Variants in TRDN observed in about 807,000 individuals in gnomAD.
The protein encoded by TRDN is triadin in skeletal muscle.
TRDN carries 161 observed loss-of-function variants against 149.7 expected under a neutral mutation model. The observed-to-expected ratio is 1.08, with a 90% CI of 0.95 to 1.23. The LOEUF (loss-of-function observed/expected upper bound fraction) is 1.23. Among genes scored for constraint, TRDN ranks in the 50% most tolerant of loss-of-function variants. The pLI is 0.00. For missense variants in TRDN, 896 were observed against 823.5 expected (o/e 1.09, Z -1.08); for synonymous variants, 294 against 250.5 (o/e 1.17, Z -1.64).
At chr6:123,402,487 T>G (rs1004545412) in intron 12 of TRDN, among the ~76,000 whole-genome samples, 4 of 152,220 alleles carry the variant, frequency 2.6e-5, no homozygotes, top group African/African-American at 9.6e-5. Context: ...TTTAATTTGT[T>G]TAAAGGTTTT....
In TRDN at chr6:123,360,335, T is replaced by C. The variant is rs563820106; in HGVS notation, c.1321+5800A>G. On this transcript the variant is annotated intron_variant, in intron 20 of 40. Transcript: ENST00000334268. ...GTACAGAATGAGAAGTTCAGAGGAT[T>C]AATAATGAATTATGAGGAACACCAA... Among the ~76,000 whole-genome samples the C allele has an allele frequency of 1.6e-4, 25 of 152,118 alleles. 1 individual carries two copies. The highest frequency in any genetic ancestry group is 1.3e-3 in the Admixed American group (20 of 15,278).
intron 1 of TRDN, among the ~76,000 whole-genome samples, chr6:123,591,466 G>A (rs1172719407): frequency 7.9e-5 from 12 of 152,120 alleles, no homozygotes; most frequent in African/African-American, 2.9e-4. Flanking sequence ...GGCTGGTCTC[G>A]AACTCCTGAC....
rs537223872 is a variant in TRDN at position 123,278,516 on chromosome 6, G to T, written c.1538-169C>A. On this transcript the variant is annotated intron_variant, in intron 25 of 40. Coordinates refer to ENST00000334268, the MANE Select transcript of TRDN (RefSeq NM_006073.4). ...ATATTAACCATATTCTTATGATTGT[G>T]GCAAACTAGTACGTAACAACAGATT... Among the ~76,000 whole-genome samples the T allele has an allele frequency of 9.2e-5, 14 of 152,202 alleles. No individual in the cohort carries two copies. In the South Asian group the frequency reaches 2.9e-3, roughly 32 times the overall value.
intron 21 of TRDN, among the ~76,000 whole-genome samples, chr6:123,343,062 T>A (rs7769239): frequency 3.3e-5 from 5 of 151,830 alleles, no homozygotes; most frequent in Admixed American, 6.6e-5. Flanking sequence ...CAATTTGTAA[T>A]CTTTGTGTGG....
chr6:123,612,193 G>A (rs1356512038), intron 1 of TRDN, among the ~76,000 whole-genome samples: 5 of 134,410 alleles, frequency 3.7e-5, no homozygotes, highest in Non-Finnish European at 1.5e-5. Flanking sequence ...ACAGGAGTTC[G>A]AGACCAGCCT....
At position 123,503,915 on chromosome 6, in the gene TRDN, A is replaced by T. The variant is rs181140338; in HGVS notation, c.611-14T>A. On this transcript the variant is annotated splice_polypyrimidine_tract_variant and intron_variant, in intron 7 of 40. Transcript: ENST00000334268. ...CTTTCTTCTGTTCTGTATAAAGTTA[A>T]AAGATGTTGAAATACTTTTGTTTAT... is the stretch of plus-strand genomic sequence containing the variant. The T allele has an allele frequency of 6.0e-5, 91 of 1,527,904 alleles. No homozygotes were observed. In the East Asian group the frequency reaches 2.1e-3, roughly 36 times the overall value. 94.6% of individuals were successfully genotyped at this position (1,527,904 alleles called of 1,614,324 possible). A position where few individuals can be genotyped will look rare whatever the true frequency, so the allele number is the denominator to read the frequency against.
intron 38 of TRDN, among the ~76,000 whole-genome samples, chr6:123,240,355 A>G (rs1775945790): frequency 6.6e-6 from 1 of 151,766 alleles, no homozygotes; most frequent in African/African-American, 2.4e-5. Flanking sequence ...AAAAATTATG[A>G]TCTCTCTCCC....
intron 1 of TRDN, among the ~76,000 whole-genome samples, chr6:123,586,606 A>G (rs1257192154): frequency 6.6e-6 from 1 of 152,122 alleles, no homozygotes; most frequent in Non-Finnish European, 1.5e-5. Flanking sequence ...GGCTATTTGG[A>G]ACTACTGTCG....
At chr6:123,371,463 T>A (rs1039235376) in intron 19 of TRDN, among the ~76,000 whole-genome samples, 1 of 152,186 alleles carries the variant, frequency 6.6e-6, no homozygotes, top group Non-Finnish European at 1.5e-5. Flanking sequence ...ATCTGGGGAC[T>A]GCTTTATTAC....
intron 2 of TRDN, among the ~76,000 whole-genome samples, chr6:123,569,516 G>T (rs559810714): frequency 4.1e-4 from 63 of 152,110 alleles, no homozygotes; most frequent in Non-Finnish European, 3.1e-4. Flanking sequence ...TAAAGCTCTT[G>T]CATTGCTATA....
chr6:123,260,593 T>C lies in TRDN; in HGVS notation c.1831+19A>G. ...TTCCACAACTGTATCTTATCTCCTC[T>C]GAAAAAGTAAATATTTACCTGATTC... On this transcript the variant is annotated intron_variant, in intron 34 of 40. Coordinates refer to ENST00000334268, the MANE Select transcript of TRDN (RefSeq NM_006073.4). 1 of 1,464,388 alleles carries C rather than the reference T, an allele frequency of 6.8e-7. No homozygotes were observed. The allele number at this position is 1,464,388 out of a possible 1,614,324, so 90.7% of individuals were successfully genotyped here.
At chr6:123,597,991 T>C (rs1465351325) in intron 1 of TRDN, among the ~76,000 whole-genome samples, 2 of 152,090 alleles carry the variant, frequency 1.3e-5, no homozygotes, top group East Asian at 3.9e-4. Context: ...CCTATGAAAA[T>C]AAAGAATAAT....
At chr6:123,321,606 T>C (rs1347089280) in intron 23 of TRDN, among the ~76,000 whole-genome samples, 1 of 152,066 alleles carries the variant, frequency 6.6e-6, no homozygotes. Context: ...GAAAATGTGA[T>C]GCACTTTGCA....
At chr6:123,338,433 A>G (rs1358807988) in intron 21 of TRDN, among the ~76,000 whole-genome samples, 1 of 152,160 alleles carries the variant, frequency 6.6e-6, no homozygotes, top group Non-Finnish European at 1.5e-5. Context: ...CTGCTAATCT[A>G]GTGACACCTG....
intron 12 of TRDN, among the ~76,000 whole-genome samples, chr6:123,395,195 A>G (rs1269090955): frequency 1.3e-5 from 2 of 152,052 alleles, no homozygotes; most frequent in African/African-American, 4.8e-5. Context: ...TTTGCAGCCA[A>G]TTTTCCTCTT....
intron 14 of TRDN, among the ~76,000 whole-genome samples, chr6:123,387,262 A>G (rs1436215595): frequency 6.6e-6 from 1 of 152,142 alleles, no homozygotes; most frequent in Non-Finnish European, 1.5e-5. Flanking sequence ...GCTTCTTTCT[A>G]TTGATGCTTA....
intron 24 of TRDN, among the ~76,000 whole-genome samples, chr6:123,281,313 C>G (rs1162516078): frequency 6.6e-6 from 1 of 151,932 alleles, no homozygotes; most frequent in Non-Finnish European, 1.5e-5. Flanking sequence ...TAAATAACAG[C>G]CTCAGCAATA....
intron 1 of TRDN, among the ~76,000 whole-genome samples, chr6:123,593,065 T>A (rs1783864174): frequency 6.6e-6 from 1 of 152,198 alleles, no homozygotes; most frequent in Admixed American, 6.5e-5. Flanking sequence ...TAATTAAACA[T>A]GTCTTCTTTC....
chr6:123,331,552 G>C (rs1244945673), intron 23 of TRDN, among the ~76,000 whole-genome samples: 1 of 151,840 alleles, frequency 6.6e-6, no homozygotes, highest in Admixed American at 6.6e-5. Context: ...TAAATCTTTG[G>C]TTTCCATGGC....
Sources: allele counts gnomAD v4.1 joint callset (sites outside exome capture counted in the v4.1 genomes callset), GRCh38; gene constraint gnomAD v4.1.1; transcripts MANE v1.5; gene names NCBI Gene and HGNC (gene_info 2026-07-23, HGNC 2026-07-21).